Variants in BLTP3A observed in about 807,000 individuals in gnomAD.
The protein encoded by BLTP3A is bridge-like lipid transfer protein family member 3A.
At chr6:34,857,980 A>G in the BLTP3A span, 58 of 1,583,606 alleles carry the variant, frequency 3.7e-5, no homozygotes, top group Non-Finnish European at 4.9e-5. Context: ...TCCAATGGAT[A>G]TAATCCATGG....
chr6:34,794,084 C>G, the BLTP3A span, among the ~76,000 whole-genome samples: 2 of 151,594 alleles, frequency 1.3e-5, no homozygotes, highest in Non-Finnish European at 2.9e-5. Flanking sequence ...CGCTTCAGCT[C>G]GGGAGGCGGA....
chr6:34,859,456 C>T, the BLTP3A span: 1 of 1,614,094 alleles, frequency 6.2e-7, no homozygotes, highest in Non-Finnish European at 8.5e-7. Context: ...GGAGGCTCTA[C>T]ATGCCACCAT....
At chr6:34,859,558 C>T in the BLTP3A span, 1 of 1,613,846 alleles carries the variant, frequency 6.2e-7, no homozygotes, top group Admixed American at 1.7e-5. Context: ...GATGTTGTCC[C>T]TGCCCCCAGC....
chr6:34,834,738 A>G, the BLTP3A span: 1 of 1,614,040 alleles, frequency 6.2e-7, no homozygotes, highest in Admixed American at 1.7e-5. Flanking sequence ...CATTTAAGGA[A>G]ATAACTTGGC....
At chr6:34,792,234 CG>C in the BLTP3A span, 1 of 1,533,960 alleles carries the variant, frequency 6.5e-7, no homozygotes, top group African/African-American at 1.4e-5. Context: ...GCCTTCCACG[CG>C]GGCCGCGGCT....
the BLTP3A span, among the ~76,000 whole-genome samples, chr6:34,853,560 T>C: frequency 1.3e-5 from 2 of 151,908 alleles, no homozygotes; most frequent in South Asian, 4.2e-4. Context: ...TAAAAATTCT[T>C]TTCTTTTCTT....
the BLTP3A span, among the ~76,000 whole-genome samples, chr6:34,842,917 G>A: frequency 5.3e-5 from 8 of 152,130 alleles, no homozygotes; most frequent in Non-Finnish European, 7.4e-5. Context: ...TGTTACTTAT[G>A]TTTGATCCTC....
At chr6:34,792,438 C>A in the BLTP3A span, 1 of 824,982 alleles carries the variant, frequency 1.2e-6, no homozygotes. Flanking sequence ...CTAACTCGAG[C>A]CCGGACAGCT....
the BLTP3A span, chr6:34,821,410 G>A: frequency 2.2e-6 from 1 of 450,466 alleles, no homozygotes. Context: ...ATCTTATATG[G>A]TGTAGAGATG....
the BLTP3A span, chr6:34,834,935 T>G: frequency 6.5e-7 from 1 of 1,550,120 alleles, no homozygotes; most frequent in Non-Finnish European, 8.7e-7. Flanking sequence ...GGTATTCCCT[T>G]ATTGTTTGGA....
At chr6:34,821,742 T>A in the BLTP3A span, 1 of 1,613,774 alleles carries the variant, frequency 6.2e-7, no homozygotes, top group Non-Finnish European at 8.5e-7. Context: ...GATGAAGAGG[T>A]TCTACAGAAT....
chr6:34,871,903 C>A, the BLTP3A span: 1 of 1,614,154 alleles, frequency 6.2e-7, no homozygotes. Context: ...TTGGTGCCCA[C>A]AGGAGAGGTT....
At chr6:34,806,276 G>A in the BLTP3A span, among the ~76,000 whole-genome samples, 1 of 152,148 alleles carries the variant, frequency 6.6e-6, no homozygotes, top group Non-Finnish European at 1.5e-5. Flanking sequence ...ATAGTCCTTA[G>A]GGTTAGAGAC....
the BLTP3A span, among the ~76,000 whole-genome samples, chr6:34,833,239 A>G: frequency 2.1e-4 from 32 of 152,214 alleles, 1 homozygote; most frequent in East Asian, 7.7e-4. Context: ...TGGCTGTGGG[A>G]TTTGAGCAGA....
chr6:34,793,784 T>A, the BLTP3A span, among the ~76,000 whole-genome samples: 414 of 152,204 alleles, frequency 2.7e-3, 4 homozygotes, highest in African/African-American at 9.4e-3. Flanking sequence ...CAGAGGAGAA[T>A]TGTATAATTT....
the BLTP3A span, among the ~76,000 whole-genome samples, chr6:34,796,399 C>T: frequency 6.6e-6 from 1 of 152,154 alleles, no homozygotes; most frequent in Admixed American, 6.5e-5. Context: ...ACTGGAGATG[C>T]AGTGAGGAAG....
the BLTP3A span, among the ~76,000 whole-genome samples, chr6:34,808,502 A>G: frequency 6.6e-6 from 1 of 152,168 alleles, no homozygotes; most frequent in African/African-American, 2.4e-5. Flanking sequence ...AAGAGAAAAC[A>G]TAAATATTGT....
chr6:34,842,836 C>T, the BLTP3A span, among the ~76,000 whole-genome samples: 1 of 152,118 alleles, frequency 6.6e-6, no homozygotes, highest in East Asian at 1.9e-4. Context: ...CAATCAGTTG[C>T]TCCATCTCAG....
the BLTP3A span, among the ~76,000 whole-genome samples, chr6:34,795,345 C>G: frequency 6.8e-6 from 1 of 146,422 alleles, no homozygotes; most frequent in Non-Finnish European, 1.5e-5. Flanking sequence ...CCCAAAGTGC[C>G]GGGATTACAG....
Sources: allele counts gnomAD v4.1 joint callset (sites outside exome capture counted in the v4.1 genomes callset), GRCh38; gene constraint gnomAD v4.1.1; transcripts MANE v1.5; gene names NCBI Gene and HGNC (gene_info 2026-07-23, HGNC 2026-07-21).